FUNDC2: variants seen among roughly 807,000 people sequenced by gnomAD.
FUNDC2 encodes the protein FUN14 domain containing 2.
In FUNDC2, 4 loss-of-function variants were observed where a neutral mutation model predicts 15.6. The ratio of observed to expected loss-of-function variants is 0.26; its 90% CI spans 0.13 to 0.59. The LOEUF is 0.59. FUNDC2 is among the 20% of genes least tolerant of loss of function. The pLI is 0.90. For missense variants in FUNDC2, 98 were observed against 149.7 expected (o/e 0.65, Z 1.80); for synonymous variants, 44 against 56.9 (o/e 0.77, Z 1.02).
intron 3 of FUNDC2, chrX:155,051,343 T>G: frequency 5.3e-6 from 1 of 187,735 alleles, no homozygotes. Context: ...TCTGGAAACA[T>G]TTGTATTGGC....
chrX:155,056,346 C>G lies in FUNDC2; in HGVS notation c.*1674C>G, dbSNP rs1403212133. ...AAAGGTAAGAATTATTTCTAAAAAT[C>G]ATAAATACCTCATCATATCAGACAT... On this transcript the variant is annotated 3_prime_UTR_variant, in exon 5 of 5. Coordinates refer to ENST00000369498, the MANE Select transcript of FUNDC2 (RefSeq NM_023934.4). The G allele has an allele frequency of 2.7e-5, 3 of 111,354 alleles. No homozygotes were observed. Among genetic ancestry groups the G allele is most frequent in the Non-Finnish European group, 5.7e-5 (3 of 53,085 alleles). The allele number at this position is 111,354 out of a possible 1,213,427, so 9.2% of individuals were successfully genotyped here.
rs2073907670 is a variant in FUNDC2 at position 155,057,056 on chromosome X, CGGCTGTGA to C, written c.*2386_*2393del. 1 of 97,573 alleles carries C rather than the reference CGGCTGTGA, an allele frequency of 1.0e-5. No homozygotes were observed. Among genetic ancestry groups the C allele is most frequent in the Non-Finnish European group, 2.2e-5 (1 of 45,194 alleles). The allele number at this position is 97,573 out of a possible 1,213,427, so 8.0% of individuals were successfully genotyped here. On this transcript the variant is annotated 3_prime_UTR_variant, in exon 5 of 5. Coordinates refer to ENST00000369498, the MANE Select transcript of FUNDC2 (RefSeq NM_023934.4). ...TGGCCTCATCCTGCTAGTATGAGAA[CGGCTGTGA>C]GTTCTGCCCACGGTGTGAGGCCACT...
At position 155,056,239 on chromosome X, in the gene FUNDC2, A is replaced by G. The variant is rs1187587595; in HGVS notation, c.*1567A>G. 8.9e-6 allele frequency: 1 copy of G among 112,140 alleles called. No individual in the cohort carries two copies. Among genetic ancestry groups the G allele is most frequent in the Non-Finnish European group, 1.9e-5 (1 of 53,217 alleles). 9.2% of individuals were successfully genotyped at this position (112,140 alleles called of 1,213,427 possible). A position where few individuals can be genotyped will look rare whatever the true frequency, so the allele number is the denominator to read the frequency against. ...ATCACTCACTCACAACAATCATCAAATTATAGCTCTGCTGGTTTTTACCAG... is the reference window on the plus strand; with the variant it reads ...ATCACTCACTCACAACAATCATCAAGTTATAGCTCTGCTGGTTTTTACCAG... On this transcript the variant is annotated 3_prime_UTR_variant, in exon 5 of 5. Coordinates refer to ENST00000369498, the MANE Select transcript of FUNDC2 (RefSeq NM_023934.4).
At chrX:155,052,489 C>G (rs1557290569) in intron 4 of FUNDC2, among the ~76,000 whole-genome samples, 1 of 112,132 alleles carries the variant, frequency 8.9e-6, no homozygotes, top group Non-Finnish European at 1.9e-5. Flanking sequence ...AAACAAGGAT[C>G]AGGGTGTCAA....
chrX:155,052,584 A>AT (rs1396970157), intron 4 of FUNDC2, among the ~76,000 whole-genome samples: 2 of 111,120 alleles, frequency 1.8e-5, no homozygotes, highest in African/African-American at 6.6e-5. Context: ...AAACAGACAG[A>AT]TTGAGTGCAG....
chrX:155,052,882 TA>T (rs1342339878), intron 4 of FUNDC2, among the ~76,000 whole-genome samples: 1 of 112,005 alleles, frequency 8.9e-6, no homozygotes, highest in South Asian at 3.7e-4. Context: ...CCACAGTGAG[TA>T]AAAAAAAATT....
intron 2 of FUNDC2, among the ~76,000 whole-genome samples, chrX:155,038,855 A>T (rs782564110): frequency 8.9e-6 from 1 of 112,487 alleles, no homozygotes; most frequent in East Asian, 2.8e-4. Context: ...CTTTGGCTGT[A>T]TACCCAGTAG....
chrX:155,031,952 A>G (rs1489840106), intron 1 of FUNDC2, among the ~76,000 whole-genome samples: 1 of 105,531 alleles, frequency 9.5e-6, no homozygotes, highest in Admixed American at 1.0e-4. Flanking sequence ...TGGGCAAATC[A>G]TTTAACTTTG....
At chrX:155,041,753 TC>T (rs201438607) in intron 2 of FUNDC2, among the ~76,000 whole-genome samples, 4,344 of 110,944 alleles carry the variant, frequency 0.039, 206 homozygotes, top group African/African-American at 0.13. Context: ...GCCTCTTTTT[TC>T]CCCCCTTCAG....
At chrX:155,034,269 C>G (rs1215221809) in intron 2 of FUNDC2, among the ~76,000 whole-genome samples, 1 of 112,633 alleles carries the variant, frequency 8.9e-6, no homozygotes, top group Admixed American at 9.4e-5. Context: ...TGCTTTCCAC[C>G]TTAAAGTAAA....
rs782142228 is a variant in FUNDC2, at chrX:155,056,962, C to A, written c.*2290C>A. 9.1e-6 allele frequency: 1 copy of A among 109,616 alleles called. No individual in the cohort carries two copies. The highest frequency in any genetic ancestry group is 1.9e-5 in the Non-Finnish European group (1 of 52,009). 9.0% of individuals were successfully genotyped at this position (109,616 alleles called of 1,213,427 possible). A position where few individuals can be genotyped will look rare whatever the true frequency, so the allele number is the denominator to read the frequency against. ...AATTAAGATCTGTAGGTAGGTCCCTCCTGAAGTTTTTTCCCAGCTGGCTGC... is the reference window on the plus strand; with the variant it reads ...AATTAAGATCTGTAGGTAGGTCCCTACTGAAGTTTTTTCCCAGCTGGCTGC... On this transcript the variant is annotated 3_prime_UTR_variant, in exon 5 of 5. Transcript: ENST00000369498.
At position 155,055,571 on chromosome X, in the gene FUNDC2, T is replaced by TA. The variant is rs2073891892; in HGVS notation, c.*901dup. ...ATGAGAAATAAATTTCCATCAAGTG[T>TA]AATCTACCGTCTCATGATGACCACA... On this transcript the variant is annotated 3_prime_UTR_variant, in exon 5 of 5. Transcript: ENST00000369498. 1 of 243,320 alleles carries TA rather than the reference T, an allele frequency of 4.1e-6. No individual in the cohort carries two copies. The highest frequency in any genetic ancestry group is 2.7e-4 in the South Asian group (1 of 3,715). The allele number at this position is 243,320 out of a possible 1,213,427, so 20.1% of individuals were successfully genotyped here.
intron 2 of FUNDC2, 117 bp from the exon 3 acceptor site, chrX:155,046,392 G>C (rs782016514): frequency 1.7e-5 from 10 of 599,672 alleles, no homozygotes; most frequent in Non-Finnish European, 2.9e-5. Context: ...CTTTATGTAG[G>C]GGGTAGGAAG....
chrX:155,042,679 C>G (rs1007754165), intron 2 of FUNDC2, among the ~76,000 whole-genome samples: 1 of 111,501 alleles, frequency 9.0e-6, no homozygotes, highest in Non-Finnish European at 1.9e-5. Flanking sequence ...TTTTTAGAAA[C>G]TTTATTTTGA....
chrX:155,032,202 C>T (rs1482472168), intron 1 of FUNDC2, among the ~76,000 whole-genome samples: 1 of 110,099 alleles, frequency 9.1e-6, no homozygotes, highest in Non-Finnish European at 1.9e-5. Flanking sequence ...CCTCAAACTC[C>T]TGACCTCAGG....
chrX:155,055,953 G>A lies in FUNDC2; in HGVS notation c.*1281G>A, dbSNP rs1268007796. On this transcript the variant is annotated 3_prime_UTR_variant, in exon 5 of 5. Transcript: ENST00000369498. ...CATTTTAACCCGTCTTGAGAATGAT[G>A]TATTGAATTTGAAAATCAAAACTAC... 8.9e-6 allele frequency: 1 copy of A among 112,114 alleles called. No homozygotes were observed. The highest frequency in any genetic ancestry group is 3.2e-5 in the African/African-American group (1 of 30,848). 9.2% of individuals were successfully genotyped at this position (112,114 alleles called of 1,213,427 possible).
intron 3 of FUNDC2, 101 bp downstream of exon 3, chrX:155,046,685 AC>A: frequency 1.6e-6 from 1 of 643,941 alleles, no homozygotes; most frequent in Admixed American, 2.3e-5. Context: ...GTCACACTAG[AC>A]TAGCCTTAGC....
In FUNDC2 at chrX:155,057,639, C is replaced by G. The variant is rs2073912061; in HGVS notation, c.*2967C>G. 8.9e-6 allele frequency: 1 copy of G among 112,113 alleles called. No individual in the cohort carries two copies. Among genetic ancestry groups the G allele is most frequent in the Non-Finnish European group, 1.9e-5 (1 of 53,178 alleles). The allele number at this position is 112,113 out of a possible 1,213,427, so 9.2% of individuals were successfully genotyped here. Reference sequence around the variant, plus strand: ...TTCCCTTCCCTTGTCCTGCAGCGTGCTGGACAGTGTCCCGGCTCAGGGACC... The same window carrying G: ...TTCCCTTCCCTTGTCCTGCAGCGTGGTGGACAGTGTCCCGGCTCAGGGACC... On this transcript the variant is annotated 3_prime_UTR_variant, in exon 5 of 5. Transcript: ENST00000369498.
rs1245068274 is a variant in FUNDC2 at position 155,033,468 on chromosome X, C to T, written c.199C>T (p.Arg67Cys). 2.5e-6 allele frequency: 3 copies of T among 1,209,384 alleles called. No homozygotes were observed. Among genetic ancestry groups the T allele is most frequent in the South Asian group, 3.5e-5 (2 of 56,819 alleles). ...ATTTGCTAAGAAGCAGCCATGGTGG[C>T]GTAAGCTGTTCGGGCAGGAATCTGG... ...AEFAKKQPWW[R>C]KLFGQESGPS... The change falls in exon 2 of 5, where the codon CGT becomes TGT. Residue 67 changes from arginine to cysteine, a missense_variant. Physicochemically the swap from Arg to Cys is radical, Grantham distance 180. Transcript: ENST00000369498.
Sources: allele counts gnomAD v4.1 joint callset (sites outside exome capture counted in the v4.1 genomes callset), GRCh38; gene constraint gnomAD v4.1.1; transcripts MANE v1.5; gene names NCBI Gene and HGNC (gene_info 2026-07-23, HGNC 2026-07-21).